The following ZBTB20 variants were observed in gnomAD, a reference collection of about 807,000 sequenced individuals.
The protein encoded by ZBTB20 is zinc finger and BTB domain-containing protein 20.
Under a neutral mutation model 56.9 loss-of-function variants are expected in ZBTB20, and 9 were observed. The ratio of observed to expected loss-of-function variants is 0.16; its 90% CI spans 0.10 to 0.28. The LOEUF (loss-of-function observed/expected upper bound fraction) is 0.28, where lower values mean the gene tolerates loss of function less well. ZBTB20 is among the 10% of genes least tolerant of loss of function. The pLI is 1.00. For synonymous variants in ZBTB20, 417 were observed against 420.7 expected, an observed-to-expected ratio of 0.99 and a Z score of 0.11; for missense variants, 655 against 1,003.0, an observed-to-expected ratio of 0.65 and a Z score of 4.69.
intron 5 of ZBTB20, among the ~76,000 whole-genome samples, chr3:114,719,042 C>T (rs901512801): frequency 4.0e-5 from 6 of 151,272 alleles, no homozygotes; most frequent in Middle Eastern, 3.2e-3. Context: ...AATATTAACT[C>T]GAAAAATTTA....
chr3:114,373,470 C>T (rs1467187169), intron 10 of ZBTB20, among the ~76,000 whole-genome samples: 3 of 152,164 alleles, frequency 2.0e-5, no homozygotes, highest in Admixed American at 6.5e-5. Flanking sequence ...GAAAACTCTG[C>T]GCTCTGTTTG....
intron 5 of ZBTB20, 53 bp downstream of exon 5, chr3:114,801,048 T>A (rs2071670850): frequency 6.6e-6 from 1 of 152,032 alleles, no homozygotes; most frequent in South Asian, 2.1e-4. Flanking sequence ...TTTTTGTCCT[T>A]TTTTGGGTTG....
intron 7 of ZBTB20, among the ~76,000 whole-genome samples, chr3:114,459,328 C>T (rs2092212185): frequency 6.6e-6 from 1 of 152,102 alleles, no homozygotes. Context: ...AGATTTGTAT[C>T]AAACTAGTCC....
chr3:114,586,625 T>C (rs936079032), intron 6 of ZBTB20, among the ~76,000 whole-genome samples: 1 of 152,188 alleles, frequency 6.6e-6, no homozygotes, highest in African/African-American at 2.4e-5. Flanking sequence ...TGTGGTAAAA[T>C]AAAGTAATAT....
chr3:114,712,278 C>T (rs2064134722), intron 5 of ZBTB20, among the ~76,000 whole-genome samples: 1 of 152,102 alleles, frequency 6.6e-6, no homozygotes, highest in Non-Finnish European at 1.5e-5. Flanking sequence ...GTGCTAGAAA[C>T]TTAATGCATG....
At chr3:114,737,536 A>C (rs2066265399) in intron 5 of ZBTB20, among the ~76,000 whole-genome samples, 1 of 152,112 alleles carries the variant, frequency 6.6e-6, no homozygotes. Flanking sequence ...ACTAAACAGA[A>C]CCAAAACTGC....
intron 6 of ZBTB20, among the ~76,000 whole-genome samples, chr3:114,525,876 G>A (rs2047161419): frequency 6.6e-6 from 1 of 152,068 alleles, no homozygotes; most frequent in Admixed American, 6.6e-5. Flanking sequence ...TACTGTCTTT[G>A]AGACCAGAAC....
At chr3:114,669,384 C>T (rs188222359) in intron 6 of ZBTB20, among the ~76,000 whole-genome samples, 21 of 152,120 alleles carry the variant, frequency 1.4e-4, no homozygotes, top group Admixed American at 1.3e-3. Flanking sequence ...GAGGGAACTA[C>T]TTCAAAAATA....
chr3:114,907,653 CTGG>C (rs2075371839), intron 3 of ZBTB20, among the ~76,000 whole-genome samples: 2 of 151,852 alleles, frequency 1.3e-5, no homozygotes, highest in African/African-American at 4.8e-5. Context: ...GGGCTAGAAT[CTGG>C]TTTATTTTCT....
intron 7 of ZBTB20, among the ~76,000 whole-genome samples, chr3:114,469,625 C>T (rs570297680): frequency 2.6e-5 from 4 of 152,198 alleles, no homozygotes; most frequent in African/African-American, 9.6e-5. Flanking sequence ...GTTTTTAAAT[C>T]TGTAGAACAC....
At chr3:115,101,821 A>C (rs1406619129) in intron 1 of ZBTB20, among the ~76,000 whole-genome samples, 2 of 152,214 alleles carry the variant, frequency 1.3e-5, no homozygotes, top group African/African-American at 4.8e-5. Context: ...AACATGCTTC[A>C]AAAATTAGAA....
chr3:114,837,456 A>G (rs139097553), intron 4 of ZBTB20, among the ~76,000 whole-genome samples: 2 of 152,242 alleles, frequency 1.3e-5, no homozygotes, highest in African/African-American at 4.8e-5. Flanking sequence ...GTAGGTGCCT[A>G]TGGGTCAAAG....
intron 6 of ZBTB20, among the ~76,000 whole-genome samples, chr3:114,668,318 TC>T (rs1299055420): frequency 6.6e-6 from 1 of 152,006 alleles, no homozygotes; most frequent in Non-Finnish European, 1.5e-5. Context: ...AGTTTCATCA[TC>T]AGTCAGAACA....
At chr3:114,972,698 T>C (rs1368605825) in intron 3 of ZBTB20, among the ~76,000 whole-genome samples, 1 of 152,212 alleles carries the variant, frequency 6.6e-6, no homozygotes, top group East Asian at 1.9e-4. Flanking sequence ...TAAAATCTAT[T>C]CCACTTTGAA....
At chr3:114,580,369 C>T (rs935424061) in intron 6 of ZBTB20, among the ~76,000 whole-genome samples, 1 of 151,560 alleles carries the variant, frequency 6.6e-6, no homozygotes, top group Non-Finnish European at 1.5e-5. Context: ...TTCCTTAATA[C>T]AATAATTTCG....
chr3:114,779,579 A>T (rs116642169), intron 5 of ZBTB20, among the ~76,000 whole-genome samples: 3 of 152,206 alleles, frequency 2.0e-5, no homozygotes, highest in Admixed American at 6.5e-5. Context: ...AATAATTTTT[A>T]AAAATCCTAC....
intron 7 of ZBTB20, among the ~76,000 whole-genome samples, chr3:114,495,979 T>C (rs1221160225): frequency 9.2e-5 from 14 of 152,186 alleles, no homozygotes; most frequent in Admixed American, 9.2e-4. Context: ...AGAGTTGGAA[T>C]CCCTCTGTCG....
At chr3:114,946,306 T>C (rs1289755022) in intron 3 of ZBTB20, among the ~76,000 whole-genome samples, 1 of 145,848 alleles carries the variant, frequency 6.9e-6, no homozygotes, top group East Asian at 1.9e-4. Context: ...TTATATCATA[T>C]AGAATATCTT....
chr3:114,528,290 A>G (rs1257008062), intron 6 of ZBTB20, among the ~76,000 whole-genome samples: 1 of 152,204 alleles, frequency 6.6e-6, no homozygotes, highest in Non-Finnish European at 1.5e-5. Flanking sequence ...CAACTCAGTC[A>G]TCACTCACCT....
Sources: allele counts gnomAD v4.1 joint callset (sites outside exome capture counted in the v4.1 genomes callset), GRCh38; gene constraint gnomAD v4.1.1; transcripts MANE v1.5; gene names NCBI Gene and HGNC (gene_info 2026-07-23, HGNC 2026-07-21).